The following CHEK2 variants were observed in gnomAD, a reference collection of about 807,000 sequenced individuals.
CHEK2 encodes serine/threonine-protein kinase Chk2.
In CHEK2, 71 loss-of-function variants were observed where a neutral mutation model predicts 69.1. The observed-to-expected ratio is 1.03, with a 90% CI of 0.85 to 1.25. CHEK2 has a LOEUF of 1.25. Among genes scored for constraint, CHEK2 ranks in the 50% most tolerant of loss-of-function variants. The pLI, the probability that CHEK2 is intolerant of heterozygous loss-of-function variation, is 0.00. For synonymous variants in CHEK2, 189 were observed against 226.9 expected (o/e 0.83, Z 1.50); for missense variants, 664 against 649.6 (o/e 1.02, Z -0.24).
At chr22:28,735,817 G>T (rs747104336) in intron 1 of CHEK2, among the ~76,000 whole-genome samples, 1 of 152,060 alleles carries the variant, frequency 6.6e-6, no homozygotes, top group Non-Finnish European at 1.5e-5. Context: ...AGGAGGCAGA[G>T]GTTGCACTGA....
chr22:28,691,628 C>G (rs1056829189), intron 13 of CHEK2, among the ~76,000 whole-genome samples: 1 of 152,204 alleles, frequency 6.6e-6, no homozygotes, highest in African/African-American at 2.4e-5. Context: ...GCCAGGAGAT[C>G]AAGGCTGCAG....
At chr22:28,689,874 G>A (rs1192035572) in intron 13 of CHEK2, among the ~76,000 whole-genome samples, 1 of 152,178 alleles carries the variant, frequency 6.6e-6, no homozygotes, top group Non-Finnish European at 1.5e-5. Flanking sequence ...CCACCTCTCT[G>A]GATGCTCACT....
intron 7 of CHEK2, among the ~76,000 whole-genome samples, chr22:28,707,736 T>G (rs1337572581): frequency 6.6e-6 from 1 of 152,190 alleles, no homozygotes; most frequent in Non-Finnish European, 1.5e-5. Flanking sequence ...GGGTTTTGAA[T>G]TCTTCTCTAT....
chr22:28,702,299 C>T lies in CHEK2; in HGVS notation c.908+1206G>A, dbSNP rs574022023. 1.5e-3 allele frequency among the ~76,000 whole-genome samples: 227 copies of T among 150,954 alleles called. 4 individuals are homozygous for T. Among genetic ancestry groups the T allele is most frequent in the Non-Finnish European group, 5.2e-4 (35 of 67,804 alleles). ...TGTCACCCAGGCTGGAATGCAGTGG[C>T]GCGATCTCAGCTCATTGCAAGCTCC... On this transcript the variant is annotated intron_variant, in intron 8 of 14. Coordinates refer to ENST00000404276, the MANE Select transcript of CHEK2 (RefSeq NM_007194.4).
At chr22:28,709,867 C>A (rs776699540) in intron 7 of CHEK2, 139 bp downstream of exon 7, 6 of 504,610 alleles carry the variant, frequency 1.2e-5, no homozygotes, top group Non-Finnish European at 1.9e-5. Context: ...TCACCCACCT[C>A]GGCCTCCCAA....
In CHEK2 at chr22:28,699,832, T is replaced by C. The variant is rs2145841162; in HGVS notation, c.1008+6A>G. ...AGCTGTCAAAAGAATTGAGGGCTTCTTTTACCTGCACAGCCAAGAGCATCT... is the reference window on the plus strand; with the variant it reads ...AGCTGTCAAAAGAATTGAGGGCTTCCTTTACCTGCACAGCCAAGAGCATCT... On this transcript the variant is annotated splice_donor_region_variant and intron_variant, in intron 9 of 14. Coordinates refer to ENST00000404276, the MANE Select transcript of CHEK2 (RefSeq NM_007194.4). The C allele has an allele frequency of 6.2e-7, 1 of 1,606,924 alleles. No individual in the cohort carries two copies. The highest frequency in any genetic ancestry group is 8.5e-7 in the Non-Finnish European group (1 of 1,173,434).
chr22:28,709,956 C>T (rs374478603), intron 7 of CHEK2, 50 bp downstream of exon 7: 2 of 1,075,854 alleles, frequency 1.9e-6, no homozygotes, highest in African/African-American at 3.1e-5. Flanking sequence ...ATACTCTTCT[C>T]ATATTTTGAG....
rs1231012263 is a variant in CHEK2 at position 28,734,622 on chromosome 22, G to A, written c.100C>T (p.Gln34Ter). 1.9e-6 allele frequency: 3 copies of A among 1,614,032 alleles called. No homozygotes were observed. The highest frequency in any genetic ancestry group is 2.2e-5 in the South Asian group (2 of 91,066). The change falls in exon 2 of 15, where the codon CAG (glutamine) becomes TAG (stop). Residue 34 changes from glutamine to a stop codon, truncating the protein, a stop_gained. Coordinates refer to ENST00000404276, the MANE Select transcript of CHEK2 (RefSeq NM_007194.4). LOFTEE classifies it high-confidence loss of function. ...GAGGAGCTGGATATGCCCTGGGACT[G>A]TGAGGAGGAGCCTTGGGACTGGGTA... ...SVTQSQGSSSQSQGISSSSTS... is the reference protein window; with the variant it reads ...SVTQSQGSSS
intron 2 of CHEK2, among the ~76,000 whole-genome samples, chr22:28,731,332 C>T (rs2054208247): frequency 6.6e-6 from 1 of 152,190 alleles, no homozygotes; most frequent in Non-Finnish European, 1.5e-5. Context: ...GACGTGGTGG[C>T]TCGCGCCTGT....
intron 5 of CHEK2, among the ~76,000 whole-genome samples, chr22:28,716,875 G>C (rs2053606409): frequency 6.6e-6 from 1 of 152,132 alleles, no homozygotes; most frequent in Non-Finnish European, 1.5e-5. Context: ...ATAATACTAA[G>C]ACATTATTTG....
At chr22:28,722,817 A>G (rs1197268992) in intron 4 of CHEK2, among the ~76,000 whole-genome samples, 1 of 152,092 alleles carries the variant, frequency 6.6e-6, no homozygotes. Context: ...CCTGGGCTCA[A>G]GGGATCCTCT....
intron 4 of CHEK2, among the ~76,000 whole-genome samples, chr22:28,723,604 AAAAAAAG>A (rs1337795434): frequency 1.7e-4 from 24 of 143,570 alleles, no homozygotes; most frequent in South Asian, 4.4e-4. Context: ...TCACAAGGAA[AAAAAAAG>A]AAAAAAAAAA....
At position 28,730,726 on chromosome 22, in the gene CHEK2, C is replaced by CATA. The variant is rs561193294; in HGVS notation, c.319+3674_319+3676dup. 7.4e-3 allele frequency among the ~76,000 whole-genome samples: 1,127 copies of CATA among 152,076 alleles called. 15 individuals carry two copies. Among genetic ancestry groups the CATA allele is most frequent in the African/African-American group, 0.026 (1,086 of 41,458 alleles). On this transcript the variant is annotated intron_variant, in intron 2 of 14. Coordinates refer to ENST00000404276, the MANE Select transcript of CHEK2 (RefSeq NM_007194.4). ...TACAAAAATTAGCCAGGCATGGTGG[C>CATA]ATAAGCATGTAATCCCAGCTACTTG...
rs1198651411 is a variant in CHEK2, at chr22:28,703,489, A to C, written c.908+16T>G. On this transcript the variant is annotated intron_variant, in intron 8 of 14. Transcript: ENST00000404276. ...TTTGAATGGAAACAGAAATTTTTAA[A>C]AAGTTTACTACTTACAATTCCAAAA... 2 of 1,276,364 alleles carry C rather than the reference A, an allele frequency of 1.6e-6. No individual in the cohort carries two copies. Among genetic ancestry groups the C allele is most frequent in the East Asian group, 4.8e-5 (2 of 41,998 alleles). The allele number at this position is 1,276,364 out of a possible 1,614,324, so 79.1% of individuals were successfully genotyped here.
intron 5 of CHEK2, among the ~76,000 whole-genome samples, chr22:28,713,188 T>C (rs1291876667): frequency 6.6e-6 from 1 of 152,258 alleles, no homozygotes; most frequent in Non-Finnish European, 1.5e-5. Context: ...TATATGGAAG[T>C]ATCACAGTTT....
intron 1 of CHEK2, among the ~76,000 whole-genome samples, chr22:28,735,323 T>C (rs1166685977): frequency 6.6e-6 from 1 of 152,000 alleles, no homozygotes; most frequent in African/African-American, 2.4e-5. Context: ...GGAGAATCGC[T>C]TGAGCCCGGG....
intron 2 of CHEK2, among the ~76,000 whole-genome samples, chr22:28,725,947 G>A (rs1325572688): frequency 6.7e-6 from 1 of 149,058 alleles, no homozygotes; most frequent in African/African-American, 2.5e-5. Context: ...GCTCATGCCT[G>A]TAATCCCAGC....
At chr22:28,698,672 T>G (rs1340224477) in intron 9 of CHEK2, among the ~76,000 whole-genome samples, 2 of 152,162 alleles carry the variant, frequency 1.3e-5, no homozygotes, top group Non-Finnish European at 2.9e-5. Context: ...ACAACCACAT[T>G]TGGTCTGGGA....
At chr22:28,715,746 G>A (rs533894510) in intron 5 of CHEK2, among the ~76,000 whole-genome samples, 8 of 152,174 alleles carry the variant, frequency 5.3e-5, no homozygotes, top group Non-Finnish European at 1.0e-4. Context: ...ACAAAAGCCA[G>A]TAAATTTTTT....
Sources: allele counts gnomAD v4.1 joint callset (sites outside exome capture counted in the v4.1 genomes callset), GRCh38; gene constraint gnomAD v4.1.1; transcripts MANE v1.5; gene names NCBI Gene and HGNC (gene_info 2026-07-23, HGNC 2026-07-21).